SRBD1: variants seen among roughly 807,000 people sequenced by gnomAD.
The protein encoded by SRBD1 is S1 RNA-binding domain-containing protein 1.
A neutral mutation model predicts 115.3 loss-of-function variants in SRBD1; 88 were observed. That is an observed-to-expected ratio of 0.76 (90% CI 0.64 to 0.91). The LOEUF (loss-of-function observed/expected upper bound fraction) is 0.91, where lower values mean the gene tolerates loss of function less well. Among genes scored for constraint, SRBD1 ranks in the 40% least tolerant of loss-of-function variants. SRBD1 has a pLI of 0.00. For missense variants in SRBD1, 1,385 were observed against 1,177.4 expected (o/e 1.18, Z -2.58); for synonymous variants, 509 against 407.7 (o/e 1.25, Z -2.99).
At chr2:45,411,443 T>C (rs966611236) in intron 19 of SRBD1, among the ~76,000 whole-genome samples, 2 of 152,136 alleles carry the variant, frequency 1.3e-5, no homozygotes, top group African/African-American at 4.8e-5. Context: ...AATCTCTAAA[T>C]ACGATGCTGA....
intron 11 of SRBD1, among the ~76,000 whole-genome samples, chr2:45,553,263 T>C (rs879639143): frequency 2.0e-5 from 3 of 152,336 alleles, no homozygotes; most frequent in Admixed American, 2.0e-4. Flanking sequence ...AACTCCCATT[T>C]GGAGTTAAAA....
At chr2:45,519,342 CCA>C (rs1185083045) in intron 14 of SRBD1, among the ~76,000 whole-genome samples, 1 of 152,068 alleles carries the variant, frequency 6.6e-6, no homozygotes, top group Non-Finnish European at 1.5e-5. Flanking sequence ...CACTTCAGAC[CCA>C]CACATTTCAA....
intron 14 of SRBD1, among the ~76,000 whole-genome samples, chr2:45,506,785 A>G (rs1670812319): frequency 1.3e-5 from 2 of 152,230 alleles, no homozygotes. Flanking sequence ...TATGTTCTAC[A>G]GTTTAAAAAT....
intron 9 of SRBD1, among the ~76,000 whole-genome samples, chr2:45,563,853 T>C (rs546369201): frequency 3.9e-5 from 6 of 152,302 alleles, no homozygotes; most frequent in South Asian, 2.1e-4. Context: ...GGCACCACCA[T>C]TGAATTCTAC....
At chr2:45,577,236 T>C (rs1673207192) in intron 7 of SRBD1, among the ~76,000 whole-genome samples, 1 of 152,204 alleles carries the variant, frequency 6.6e-6, no homozygotes, top group African/African-American at 2.4e-5. Flanking sequence ...AGAAAAATAA[T>C]TTAAAAGGAA....
intron 15 of SRBD1, among the ~76,000 whole-genome samples, chr2:45,482,332 C>G (rs757107280): frequency 6.6e-6 from 1 of 151,796 alleles, no homozygotes; most frequent in Non-Finnish European, 1.5e-5. Flanking sequence ...CCTAGAAAAC[C>G]TAAGCAAGTC....
intron 14 of SRBD1, among the ~76,000 whole-genome samples, chr2:45,527,619 G>T (rs1671488445): frequency 6.6e-6 from 1 of 151,834 alleles, no homozygotes; most frequent in Admixed American, 6.6e-5. Flanking sequence ...TGTATACTAT[G>T]TGCCAAGCAC....
chr2:45,539,231 T>G (rs1475683489), intron 14 of SRBD1, among the ~76,000 whole-genome samples: 9 of 151,826 alleles, frequency 5.9e-5, no homozygotes, highest in Non-Finnish European at 1.0e-4. Context: ...AGAAAGAAAT[T>G]TTTTTGCTAA....
intron 9 of SRBD1, 95 bp from the exon 10 acceptor site, chr2:45,562,851 C>T (rs1187337525): frequency 1.5e-6 from 1 of 684,366 alleles, no homozygotes; most frequent in African/African-American, 1.9e-5. Context: ...ATTTTTTACT[C>T]GTTTATTAAA....
At chr2:45,550,084 C>T (rs1197949677) in intron 12 of SRBD1, among the ~76,000 whole-genome samples, 1 of 152,018 alleles carries the variant, frequency 6.6e-6, no homozygotes, top group African/African-American at 2.4e-5. Context: ...GGAGCTATAA[C>T]CCTATTTTTC....
chr2:45,580,132 C>T (rs577420630), intron 6 of SRBD1, 119 bp from the exon 7 acceptor site: 3 of 842,954 alleles, frequency 3.6e-6, no homozygotes, highest in Middle Eastern at 3.7e-4. Flanking sequence ...CAATCTTTTC[C>T]TCTTCCTTCA....
intron 11 of SRBD1, among the ~76,000 whole-genome samples, chr2:45,552,107 A>G (rs1672319545): frequency 1.3e-5 from 2 of 152,188 alleles, no homozygotes; most frequent in South Asian, 4.1e-4. Flanking sequence ...GTGAAAAATG[A>G]CACATGGATG....
chr2:45,500,290 T>C (rs34616217), intron 14 of SRBD1, among the ~76,000 whole-genome samples: 21,218 of 151,624 alleles, frequency 0.14, 1,540 homozygotes, highest in Middle Eastern at 0.18. Flanking sequence ...TGTGTGTGTG[T>C]GTGTGTGTGT....
At chr2:45,507,873 A>G (rs1174609476) in intron 14 of SRBD1, among the ~76,000 whole-genome samples, 1 of 152,188 alleles carries the variant, frequency 6.6e-6, no homozygotes, top group Non-Finnish European at 1.5e-5. Flanking sequence ...TTTGGCAAAT[A>G]CATTTTATCT....
At chr2:45,453,512 C>G (rs988968063) in intron 16 of SRBD1, among the ~76,000 whole-genome samples, 2 of 151,614 alleles carry the variant, frequency 1.3e-5, no homozygotes, top group African/African-American at 4.8e-5. Flanking sequence ...TTTAATCACT[C>G]CAGGGAAGAA....
intron 16 of SRBD1, among the ~76,000 whole-genome samples, chr2:45,451,682 C>CT (rs71898482): frequency 0.11 from 15,864 of 144,138 alleles, 1,283 homozygotes; most frequent in African/African-American, 0.23. Context: ...ATCCTCCAAA[C>CT]TTTTTTTTTT....
chr2:45,490,568 T>C (rs555917123), intron 14 of SRBD1, among the ~76,000 whole-genome samples: 11 of 152,156 alleles, frequency 7.2e-5, no homozygotes, highest in Non-Finnish European at 1.3e-4. Context: ...TTTTTGTAAA[T>C]CTCACCACAG....
At position 45,482,613 on chromosome 2, in the gene SRBD1, A is replaced by AACAC. The variant is rs70937962; in HGVS notation, c.1967-5542_1967-5539dup. Among the ~76,000 whole-genome samples, 1,035 of 148,648 alleles carry AACAC rather than the reference A, an allele frequency of 7.0e-3. 10 individuals are homozygous for AACAC. Among genetic ancestry groups the AACAC allele is most frequent in the Middle Eastern group, 0.027 (8 of 292 alleles). ...GGAGAAAAACCTATTCACAACGTTAAACACACACACACACACACACACACA... is the reference window on the plus strand; with the variant it reads ...GGAGAAAAACCTATTCACAACGTTAAACACACACACACACACACACACACACACA... On this transcript the variant is annotated intron_variant, in intron 15 of 20. Coordinates refer to ENST00000263736, the MANE Select transcript of SRBD1 (RefSeq NM_018079.5).
At chr2:45,418,604 C>T (rs555208102) in intron 17 of SRBD1, 63 bp from the exon 18 acceptor site, 1 of 1,212,924 alleles carries the variant, frequency 8.2e-7, no homozygotes, top group East Asian at 3.1e-5. Context: ...TGATATAAAA[C>T]ATTTGGATCA....
Sources: allele counts gnomAD v4.1 joint callset (sites outside exome capture counted in the v4.1 genomes callset), GRCh38; gene constraint gnomAD v4.1.1; transcripts MANE v1.5; gene names NCBI Gene and HGNC (gene_info 2026-07-23, HGNC 2026-07-21).